The following VPS37A variants were observed in gnomAD, a reference collection of about 807,000 sequenced individuals.
The protein encoded by VPS37A is vacuolar protein sorting-associated protein 37A.
VPS37A carries 30 observed loss-of-function variants against 49.8 expected under a neutral mutation model. The ratio of observed to expected loss-of-function variants is 0.60; its 90% CI spans 0.45 to 0.82. VPS37A has a LOEUF of 0.82. VPS37A is among the 40% of genes least tolerant of loss of function. The probability of loss-of-function intolerance (pLI) is 0.00; values close to 1 mark genes in which losing one functional copy is unlikely to be tolerated. For missense variants in VPS37A, 593 were observed against 464.4 expected (o/e 1.28, Z -2.55); for synonymous variants, 195 against 160.6 (o/e 1.21, Z -1.62).
chr8:17,273,748 A>G (rs951428864), intron 4 of VPS37A, among the ~76,000 whole-genome samples: 1 of 151,838 alleles, frequency 6.6e-6, no homozygotes, highest in Non-Finnish European at 1.5e-5. Context: ...TTATTTTTCC[A>G]TATACATTTT....
downstream of VPS37A, chr8:17,299,731 T>C: frequency 2.2e-6 from 3 of 1,334,814 alleles, no homozygotes; most frequent in Non-Finnish European, 3.1e-6. Flanking sequence ...CTTTTTTCCC[T>C]TTTCATAGCT....
At chr8:17,275,067 G>A (rs571505956) in intron 5 of VPS37A, 109 bp downstream of exon 5, 2 of 1,022,670 alleles carry the variant, frequency 2.0e-6, no homozygotes, top group Non-Finnish European at 2.8e-6. Context: ...CACAAAATAT[G>A]AAAAGATGAA....
At chr8:17,274,031 C>T (rs1814265309) in intron 4 of VPS37A, among the ~76,000 whole-genome samples, 1 of 152,092 alleles carries the variant, frequency 6.6e-6, no homozygotes, top group African/African-American at 2.4e-5. Flanking sequence ...GCATCTAGGT[C>T]TGAATTACTC....
the VPS37A span, among the ~76,000 whole-genome samples, chr8:17,332,659 A>G: frequency 3.3e-5 from 5 of 152,352 alleles, no homozygotes; most frequent in Middle Eastern, 3.4e-3. Context: ...CTGAATGTCT[A>G]TTGCTTTTGC....
the VPS37A span, among the ~76,000 whole-genome samples, chr8:17,313,897 T>A: frequency 1.3e-5 from 2 of 152,288 alleles, no homozygotes; most frequent in East Asian, 3.9e-4. Flanking sequence ...ATGAAAATGA[T>A]CAAACTCCTC....
chr8:17,313,333 GC>G, the VPS37A span: 1 of 1,613,136 alleles, frequency 6.2e-7, no homozygotes, highest in African/African-American at 1.3e-5. Flanking sequence ...GCTTTAATGT[GC>G]CTTAACCAGC....
At chr8:17,304,569 A>C (rs771627623), downstream of VPS37A, 2 of 1,571,822 alleles carry the variant, frequency 1.3e-6, no homozygotes, top group African/African-American at 1.3e-5. Flanking sequence ...GTGCTTACAC[A>C]CAGTAGATAT....
chr8:17,289,069 T>A (rs1200222542), intron 11 of VPS37A, among the ~76,000 whole-genome samples: 2 of 152,200 alleles, frequency 1.3e-5, no homozygotes, highest in Admixed American at 6.5e-5. Flanking sequence ...TGTATTTTTC[T>A]TGTAAATTTA....
downstream of VPS37A, chr8:17,299,556 A>AAGAT (rs756885959): frequency 8.6e-5 from 23 of 266,962 alleles, 1 homozygote; most frequent in South Asian, 3.9e-4. Context: ...TATGACAAGG[A>AAGAT]AGATAGATAC....
At chr8:17,309,357 G>C in the VPS37A span, 20 of 1,465,898 alleles carry the variant, frequency 1.4e-5, no homozygotes, top group Non-Finnish European at 1.9e-5. Context: ...ATATCTTGGA[G>C]AGAAGCAAAC....
rs947568704 is a variant in VPS37A at position 17,248,119 on chromosome 8, T to A, written c.125+750T>A. The stretch of plus-strand genomic sequence containing the variant: ...TGTAAATTGGTTTGCTGCAGCCTTT[T>A]ACATTGCAAATGTCTATGGTCTCTA... On this transcript the variant is annotated intron_variant, in intron 1 of 11. Transcript: ENST00000324849. The A allele has an allele frequency of 3.3e-5, 12 of 359,564 alleles. No individual in the cohort carries two copies. In the Admixed American group the frequency reaches 3.8e-4, roughly 11 times the overall value. 22.3% of individuals were successfully genotyped at this position (359,564 alleles called of 1,614,324 possible).
intron 1 of VPS37A, chr8:17,248,261 C>CT (rs77478205): frequency 0.014 from 5,672 of 396,438 alleles, 60 homozygotes; most frequent in African/African-American, 0.046. Context: ...TCCCTAACCC[C>CT]TTTTTTTTTT....
the VPS37A span, among the ~76,000 whole-genome samples, chr8:17,318,578 C>T: frequency 2.6e-5 from 4 of 152,128 alleles, no homozygotes; most frequent in African/African-American, 4.8e-5. Flanking sequence ...CAGGAGGAAT[C>T]GCTGTTGGCC....
chr8:17,333,409 C>A, the VPS37A span, among the ~76,000 whole-genome samples: 1 of 152,204 alleles, frequency 6.6e-6, no homozygotes, highest in South Asian at 2.1e-4. Flanking sequence ...TTGGTTTATC[C>A]TTTATAACAA....
At chr8:17,325,564 G>C in the VPS37A span, among the ~76,000 whole-genome samples, 1 of 152,138 alleles carries the variant, frequency 6.6e-6, no homozygotes, top group Non-Finnish European at 1.5e-5. Context: ...CTGACCGTAC[G>C]ATCGCCCACA....
At chr8:17,315,885 T>C in the VPS37A span, among the ~76,000 whole-genome samples, 1 of 152,122 alleles carries the variant, frequency 6.6e-6, no homozygotes, top group African/African-American at 2.4e-5. Flanking sequence ...GAGTGGCACA[T>C]GCCTACTGTC....
At chr8:17,293,158 C>G (rs370682014) in intron 11 of VPS37A, among the ~76,000 whole-genome samples, 36 of 151,932 alleles carry the variant, frequency 2.4e-4, no homozygotes, top group African/African-American at 8.4e-4. Flanking sequence ...CCTTTTTATT[C>G]TTTTTTCTCT....
At chr8:17,307,893 G>T in the VPS37A span, among the ~76,000 whole-genome samples, 1 of 151,690 alleles carries the variant, frequency 6.6e-6, no homozygotes, top group Non-Finnish European at 1.5e-5. Flanking sequence ...GTTGTGGGGT[G>T]GCGGGAGGGG....
the VPS37A span, among the ~76,000 whole-genome samples, chr8:17,323,437 A>G: frequency 6.6e-6 from 1 of 152,116 alleles, no homozygotes; most frequent in Non-Finnish European, 1.5e-5. Flanking sequence ...GGTAGGGTTT[A>G]AGGGATGCTA....
Sources: allele counts gnomAD v4.1 joint callset (sites outside exome capture counted in the v4.1 genomes callset), GRCh38; gene constraint gnomAD v4.1.1; transcripts MANE v1.5; gene names NCBI Gene and HGNC (gene_info 2026-07-23, HGNC 2026-07-21).